The following KIDINS220 variants were observed in gnomAD, a reference collection of about 807,000 sequenced individuals.
KIDINS220 encodes kinase D interacting substrate 220.
KIDINS220 carries 63 observed loss-of-function variants against 157.6 expected under a neutral mutation model. That is an observed-to-expected ratio of 0.40 (90% CI 0.33 to 0.49). The LOEUF is 0.49. Among genes scored for constraint, KIDINS220 ranks in the 20% least tolerant of loss-of-function variants. The pLI is 0.66. For missense variants in KIDINS220, 1,772 were observed against 2,171.2 expected, an observed-to-expected ratio of 0.82 and a Z score of 3.65; for synonymous variants, 732 against 783.6, an observed-to-expected ratio of 0.93 and a Z score of 1.10.
At chr2:8,797,285 A>G (rs374511444) in intron 10 of KIDINS220, among the ~76,000 whole-genome samples, 4 of 152,340 alleles carry the variant, frequency 2.6e-5, no homozygotes, top group African/African-American at 9.6e-5. Context: ...CATCACTTCA[A>G]TTCTCAGTGA....
rs540038529 is a variant in KIDINS220 at position 8,823,913 on chromosome 2, G to A, written c.108+3073C>T. ...ATGTTAACTAATGAAAATATATTTT[G>A]TTCAATATAGAAACATTGAAAATAT... On this transcript the variant is annotated intron_variant, in intron 2 of 29. Transcript: ENST00000256707. 2.6e-5 allele frequency among the ~76,000 whole-genome samples: 4 copies of A among 151,560 alleles called. No individual in the cohort carries two copies. In the East Asian group the frequency reaches 7.7e-4, roughly 29 times the overall value.
intron 21 of KIDINS220, among the ~76,000 whole-genome samples, chr2:8,774,092 T>C (rs1322956506): frequency 6.6e-6 from 1 of 151,518 alleles, no homozygotes; most frequent in Non-Finnish European, 1.5e-5. Context: ...GATCAGGAGT[T>C]CAAGACCAGC....
chr2:8,777,306 A>G (rs989216911), intron 20 of KIDINS220, among the ~76,000 whole-genome samples: 2 of 151,682 alleles, frequency 1.3e-5, no homozygotes, highest in African/African-American at 2.4e-5. Flanking sequence ...TTTTTAGGTT[A>G]TTATTATTGT....
chr2:8,811,016 T>C (rs899440424), intron 6 of KIDINS220, among the ~76,000 whole-genome samples: 1 of 152,252 alleles, frequency 6.6e-6, no homozygotes, highest in Non-Finnish European at 1.5e-5. Flanking sequence ...TAATTTTCAC[T>C]GTACTACTTG....
At chr2:8,768,381 TAC>T (rs1045797347) in intron 22 of KIDINS220, among the ~76,000 whole-genome samples, 61 of 152,324 alleles carry the variant, frequency 4.0e-4, no homozygotes, top group African/African-American at 1.4e-3. Flanking sequence ...TCCCGTGGTT[TAC>T]AGAGGGGTCT....
intron 29 of KIDINS220, among the ~76,000 whole-genome samples, chr2:8,732,367 G>C (rs541407892): frequency 6.6e-5 from 10 of 152,260 alleles, no homozygotes; most frequent in Non-Finnish European, 1.2e-4. Flanking sequence ...TGAGCAGCTG[G>C]GACTATGGGC....
At chr2:8,765,296 T>C (rs184237698) in intron 22 of KIDINS220, among the ~76,000 whole-genome samples, 2 of 152,334 alleles carry the variant, frequency 1.3e-5, no homozygotes, top group Non-Finnish European at 2.9e-5. Context: ...AAAATCATTA[T>C]TATTCTAAAA....
Position 8,730,806 on chromosome 2 carries a change from T to C in KIDINS220, c.5230A>G (p.Arg1744Gly), listed in dbSNP as rs944598077. Reference sequence around the variant, plus strand: ...AGCTCCGGAGGATCTTTGGAGAGCCTTGTGTAACTTGAACGTTGGCTTCGC... The same window carrying C: ...AGCTCCGGAGGATCTTTGGAGAGCCCTGTGTAACTTGAACGTTGGCTTCGC... ...HKRSQRSSYT[R>G]LSKDPPELHA... The change falls in exon 30 of 30, where the codon AGG (arginine) becomes GGG (glycine). Residue 1744 changes from arginine to glycine, a missense_variant. Coordinates refer to ENST00000256707, the MANE Select transcript of KIDINS220 (RefSeq NM_020738.4). 1 of 1,614,142 alleles carries C rather than the reference T, an allele frequency of 6.2e-7. No individual in the cohort carries two copies. Among genetic ancestry groups the C allele is most frequent in the Non-Finnish European group, 8.5e-7 (1 of 1,180,058 alleles).
In KIDINS220 at chr2:8,794,014, ACTTT is replaced by A. The variant is rs892246107; in HGVS notation, c.1099-31_1099-28del. 1.9e-6 allele frequency: 3 copies of A among 1,551,346 alleles called. No homozygotes were observed. In the African/African-American group the frequency reaches 4.1e-5, roughly 21 times the overall value. ...TGTAAAATAATAGTACGAAACTTGA[ACTTT>A]CTTATCTTTATATATAGTATGCAGA... is the stretch of plus-strand genomic sequence containing the variant. On this transcript the variant is annotated intron_variant, in intron 11 of 29. Coordinates refer to ENST00000256707, the MANE Select transcript of KIDINS220 (RefSeq NM_020738.4).
At chr2:8,725,395 TTTTA>T (rs1663220305), downstream of KIDINS220, 1 of 152,256 alleles carries the variant, frequency 6.6e-6, no homozygotes, top group Non-Finnish European at 1.5e-5. Context: ...ACTAAATGGC[TTTTA>T]TTTAAAATTT....
chr2:8,766,168 C>A (rs1669457335), intron 22 of KIDINS220, among the ~76,000 whole-genome samples: 1 of 150,874 alleles, frequency 6.6e-6, no homozygotes, highest in East Asian at 2.0e-4. Flanking sequence ...CCATGAACCC[C>A]ACTGGTGACC....
intron 6 of KIDINS220, among the ~76,000 whole-genome samples, chr2:8,807,478 T>C (rs1296092784): frequency 6.6e-6 from 1 of 152,224 alleles, no homozygotes; most frequent in Admixed American, 6.5e-5. Context: ...AGTCAAATAA[T>C]GACGATTAAG....
rs540692233 is a variant in KIDINS220 at position 8,760,337 on chromosome 2, C to T, written c.3012-8693G>A. ...GTTTACAAAATTATGCAAACCAGTA[C>T]ACTACACAACAGCCTAGAAGCCTGA... On this transcript the variant is annotated intron_variant, in intron 22 of 29. Transcript: ENST00000256707. Among the ~76,000 whole-genome samples, 4 of 152,218 alleles carry T rather than the reference C, an allele frequency of 2.6e-5. No individual in the cohort carries two copies. In the East Asian group the frequency reaches 7.7e-4, roughly 29 times the overall value.
intron 17 of KIDINS220, among the ~76,000 whole-genome samples, chr2:8,780,117 A>G (rs1461449297): frequency 6.6e-6 from 1 of 152,252 alleles, no homozygotes; most frequent in Non-Finnish European, 1.5e-5. Flanking sequence ...CTGAATGTGA[A>G]AAGATTCAGA....
Position 8,729,125 on chromosome 2 carries a change from G to C in KIDINS220, c.*1595C>G, listed in dbSNP as rs1279017349. The C allele has an allele frequency of 5.1e-6, 5 of 983,606 alleles. No homozygotes were observed. Among genetic ancestry groups the C allele is most frequent in the Non-Finnish European group, 6.0e-6 (5 of 828,070 alleles). 60.9% of individuals were successfully genotyped at this position (983,606 alleles called of 1,614,324 possible). On this transcript the variant is annotated 3_prime_UTR_variant, in exon 30 of 30. Transcript: ENST00000256707. The stretch of plus-strand genomic sequence containing the variant: ...AGCACTATAAATGTTAAAATGTTAA[G>C]ACTTCAGTGTATAATGTCAATAACA...
rs761892243 is a variant in KIDINS220 at position 8,806,275 on chromosome 2, C to T, written c.599G>A (p.Gly200Glu). Residue 200 changes from glycine to glutamate, a missense_variant, in exon 7 of 30, where the codon GGA becomes GAA. This residue lies in a region of KIDINS220 where 254 missense variants were observed against 268.6 expected (regional missense o/e 0.95). Transcript: ENST00000256707. ...LAMGADVDQE[G>E]ANSMTALIVA... Reference sequence around the variant, plus strand: ...ATTAAAATATAAGATACTTACAGCTCCTTCTTGATCCACATCAGCTCCCAT... The same window carrying T: ...ATTAAAATATAAGATACTTACAGCTTCTTCTTGATCCACATCAGCTCCCAT... 9 of 1,593,940 alleles carry T rather than the reference C, an allele frequency of 5.6e-6. No homozygotes were observed. Among genetic ancestry groups the T allele is most frequent in the Non-Finnish European group, 7.7e-6 (9 of 1,169,508 alleles).
At chr2:8,749,973 T>C (rs1468097497) in intron 24 of KIDINS220, 139 bp downstream of exon 24, 42 of 659,960 alleles carry the variant, frequency 6.4e-5, no homozygotes, top group Non-Finnish European at 5.1e-6. Flanking sequence ...AAAAGTCCTA[T>C]ATTTTACATT....
At chr2:8,810,775 G>C (rs989308435) in intron 6 of KIDINS220, among the ~76,000 whole-genome samples, 3 of 151,246 alleles carry the variant, frequency 2.0e-5, no homozygotes, top group Non-Finnish European at 4.4e-5. Flanking sequence ...GACAGAGCGA[G>C]ACTCTGTCAA....
downstream of KIDINS220, chr2:8,722,713 A>AAC (rs1663030667): frequency 6.6e-6 from 1 of 152,166 alleles, no homozygotes; most frequent in African/African-American, 2.4e-5. Flanking sequence ...AAAGCTGTGA[A>AAC]ACTTCACCTT....
Sources: allele counts gnomAD v4.1 joint callset (sites outside exome capture counted in the v4.1 genomes callset), GRCh38; gene constraint gnomAD v4.1.1; regional missense constraint gnomAD v4.1.1; transcripts MANE v1.5; gene names NCBI Gene and HGNC (gene_info 2026-07-23, HGNC 2026-07-21).